Variants in HEATR9 observed in about 807,000 individuals in gnomAD.
HEATR9 encodes HEAT repeat containing 9.
Under a neutral mutation model 68.2 loss-of-function variants are expected in HEATR9, and 54 were observed. That is an observed-to-expected ratio of 0.79 (90% CI 0.64 to 0.99). The LOEUF (loss-of-function observed/expected upper bound fraction) is 0.99, where lower values mean the gene tolerates loss of function less well. Among genes scored for constraint, HEATR9 ranks in the 50% least tolerant of loss-of-function variants. HEATR9 has a pLI of 0.00. For missense variants in HEATR9, 662 were observed against 679.7 expected, an observed-to-expected ratio of 0.97 and a Z score of 0.29; for synonymous variants, 241 against 253.5, an observed-to-expected ratio of 0.95 and a Z score of 0.47.
chr17:35,855,116 A>G lies in HEATR9; in HGVS notation c.1660T>C (p.Trp554Arg). The G allele has an allele frequency of 6.2e-7, 1 of 1,614,188 alleles. No homozygotes were observed. Among genetic ancestry groups the G allele is most frequent in the Non-Finnish European group, 8.5e-7 (1 of 1,180,030 alleles). ...RKHRPQVIGPWQPRIKKQLRV... is the reference protein window; with the variant it reads ...RKHRPQVIGPRQPRIKKQLRV... The stretch of plus-strand genomic sequence containing the variant: ...AGCTGTTTCTTGATCCTTGGCTGCC[A>G]GGGCCCTATGACCTGTGGCCTATGT... Residue 554 changes from tryptophan to arginine, a missense_variant, in exon 15 of 15, where the codon TGG becomes CGG. Transcript: ENST00000604834.
At chr17:35,859,900 C>G (rs1022539395) in intron 8 of HEATR9, among the ~76,000 whole-genome samples, 1 of 152,206 alleles carries the variant, frequency 6.6e-6, no homozygotes, top group Non-Finnish European at 1.5e-5. Flanking sequence ...TTGCTTTCTA[C>G]TTCAGTGAGA....
intron 8 of HEATR9, among the ~76,000 whole-genome samples, chr17:35,860,720 A>AC (rs1195275553): frequency 1.3e-5 from 2 of 151,540 alleles, no homozygotes; most frequent in African/African-American, 4.8e-5. Context: ...CAATCTCCTG[A>AC]CCTCGTGATC....
In HEATR9 at chr17:35,867,428, CAAAAAAAA is replaced by C. The variant is rs11315915; in HGVS notation, c.89-663_89-656del. On this transcript the variant is annotated intron_variant, in intron 1 of 14. Transcript: ENST00000604834. ...CCAGCCTGGGTAACAGAGCAAGACT[CAAAAAAAA>C]AAAAAAAAAAAAAAAAAAAAGAGAT... Among the ~76,000 whole-genome samples the C allele has an allele frequency of 6.4e-3, 258 of 40,106 alleles. 1 individual carries two copies. Among genetic ancestry groups the C allele is most frequent in the African/African-American group, 0.027 (243 of 9,154 alleles). The allele number at this position is 40,106 out of a possible 152,430, so 26.3% of individuals were successfully genotyped here.
chr17:35,863,101 C>G lies in HEATR9; in HGVS notation c.650G>C (p.Arg217Pro), dbSNP rs758987742. 4.3e-6 allele frequency: 7 copies of G among 1,614,034 alleles called. No individual in the cohort carries two copies. In the African/African-American group the frequency reaches 6.7e-5, roughly 15 times the overall value. The stretch of plus-strand genomic sequence containing the variant: ...CTCCTTCAGCTGTTTGATGAGAGCC[C>G]GGATCACATGCTTATTCAGGCAACC... ...ILGCLNKHVI[R>P]ALIKQLKEKN... Residue 217 changes from arginine to proline, a missense_variant, in exon 8 of 15, where the codon CGG (arginine) becomes CCG (proline). By Grantham distance (103) the Arg-to-Pro change is moderately radical. Coordinates refer to ENST00000604834, the MANE Select transcript of HEATR9 (RefSeq NM_152781.4).
At position 35,865,381 on chromosome 17, in the gene HEATR9, A is replaced by C. The variant is rs1332992060; in HGVS notation, c.154T>G (p.Phe52Val). 1 of 1,611,974 alleles carries C rather than the reference A, an allele frequency of 6.2e-7. No individual in the cohort carries two copies. Among genetic ancestry groups the C allele is most frequent in the Non-Finnish European group, 8.5e-7 (1 of 1,179,602 alleles). ...CTCCAGCACTCTGGACTTGGGGGAA[A>C]CTCTTCCTTTGGCATCTGGGGGTTG... The part of the protein sequence containing the change: ...LSCYQMPKEE[F>V]PPSPECWRQH... The change falls in exon 3 of 15, where the codon TTT (phenylalanine) becomes GTT (valine). Residue 52 changes from phenylalanine to valine, a missense_variant. Phe to Val is a conservative substitution (Grantham distance 50). Coordinates refer to ENST00000604834, the MANE Select transcript of HEATR9 (RefSeq NM_152781.4).
At chr17:35,859,178 G>T in intron 8 of HEATR9, 108 bp from the exon 9 acceptor site, 1 of 1,008,556 alleles carries the variant, frequency 9.9e-7, no homozygotes. Flanking sequence ...TTGTGCATCA[G>T]ATTATTTCAA....
Position 35,863,680 on chromosome 17 carries a change from C to T in HEATR9, c.568-121G>A, listed in dbSNP as rs1350153643. ...AGGAAACTGAAGCCTAGAAAGTGACCTATCTATTCTCAAATACAGAATACA... is the reference window on the plus strand; with the variant it reads ...AGGAAACTGAAGCCTAGAAAGTGACTTATCTATTCTCAAATACAGAATACA... On this transcript the variant is annotated intron_variant, in intron 6 of 14. Transcript: ENST00000604834. 4 of 1,058,612 alleles carry T rather than the reference C, an allele frequency of 3.8e-6. No homozygotes were observed. The South Asian group carries it at 4.1e-5, about 11-fold the overall frequency. 65.6% of individuals were successfully genotyped at this position (1,058,612 alleles called of 1,614,324 possible). A position where few individuals can be genotyped will look rare whatever the true frequency, so the allele number is the denominator to read the frequency against.
chr17:35,863,414 G>C, intron 7 of HEATR9, 88 bp downstream of exon 7: 2 of 1,352,844 alleles, frequency 1.5e-6, no homozygotes, highest in Non-Finnish European at 1.1e-6. Context: ...GTTGGAGCAA[G>C]TGTATGCTCC....
Position 35,864,807 on chromosome 17 carries a change from G to T in HEATR9, c.404C>A (p.Ser135Tyr), listed in dbSNP as rs779270986. 6 of 1,614,060 alleles carry T rather than the reference G, an allele frequency of 3.7e-6. No individual in the cohort carries two copies. In the African/African-American group the frequency reaches 8.0e-5, roughly 22 times the overall value. The change falls in exon 4 of 15, where the codon TCC (serine) becomes TAC (tyrosine). Residue 135 changes from serine to tyrosine, a missense_variant. Transcript: ENST00000604834. Reference protein sequence around the residue: ...SKLTIKSEMRSRPLEPTQDPL... With the variant: ...SKLTIKSEMRYRPLEPTQDPL... ...GTCCTGGGTAGGCTCTAAGGGCCTG[G>T]ATCGCATCTCAGATTTTATAGTCAG...
chr17:35,855,680 TGGTGGTTTTCTGCATCTAG>T lies in HEATR9; in HGVS notation c.1330_1348del (p.Leu444ArgfsTer3). 6.2e-7 allele frequency: 1 copy of T among 1,614,076 alleles called. No homozygotes were observed. Among genetic ancestry groups the T allele is most frequent in the Non-Finnish European group, 8.5e-7 (1 of 1,179,980 alleles). ...CTTACTTACACTCTTCTTCACAGCCTGGTGGTTTTCTGCATCTAGTAAGTCCAGGAGCAAGTGGAACACT... is the reference window on the plus strand; with the variant it reads ...CTTACTTACACTCTTCTTCACAGCCTTAAGTCCAGGAGCAAGTGGAACACT... On this transcript the variant is annotated frameshift_variant, in exon 14 of 15. Coordinates refer to ENST00000604834, the MANE Select transcript of HEATR9 (RefSeq NM_152781.4). LOFTEE classifies it low-confidence loss of function (END_TRUNC).
Position 35,855,504 on chromosome 17 carries a change from C to G in HEATR9, c.1366-94G>C, listed in dbSNP as rs371112928. On this transcript the variant is annotated intron_variant, in intron 14 of 14. Transcript: ENST00000604834. The stretch of plus-strand genomic sequence containing the variant: ...CACCCAAAGTAGGGGGGAATTCTAG[C>G]CACAGGGCACTGTGGCCCCAAGGAA... 11 of 1,346,590 alleles carry G rather than the reference C, an allele frequency of 8.2e-6. No individual in the cohort carries two copies. In the African/African-American group the frequency reaches 1.6e-4, roughly 19 times the overall value. 83.4% of individuals were successfully genotyped at this position (1,346,590 alleles called of 1,614,324 possible).
chr17:35,855,371 AGGGATCAATTGAG>A lies in HEATR9; in HGVS notation c.1392_1404del (p.Ser465GlyfsTer6). 1.2e-6 allele frequency: 2 copies of A among 1,614,058 alleles called. No individual in the cohort carries two copies. Among genetic ancestry groups the A allele is most frequent in the African/African-American group, 1.3e-5 (1 of 75,020 alleles). ...TTGTTTTTCAGCTTGTTTTGGATCCAGGGATCAATTGAGGCACAAAGGATTAATGTTTCTTGTA... is the reference window on the plus strand; with the variant it reads ...TTGTTTTTCAGCTTGTTTTGGATCCAGCACAAAGGATTAATGTTTCTTGTA... On this transcript the variant is annotated frameshift_variant, in exon 15 of 15. Coordinates refer to ENST00000604834, the MANE Select transcript of HEATR9 (RefSeq NM_152781.4). LOFTEE classifies it low-confidence loss of function (END_TRUNC).
At chr17:35,861,244 A>G (rs903993472) in intron 8 of HEATR9, 26 of 1,550,840 alleles carry the variant, frequency 1.7e-5, no homozygotes, top group Non-Finnish European at 2.2e-5. Flanking sequence ...TCTGTTCGTT[A>G]TAAATTTAGC....
Position 35,864,291 on chromosome 17 carries a change from G to A in HEATR9, c.522C>T (p.Cys174=). Residue 174 remains cysteine (C), a synonymous_variant, in exon 6 of 15, where the codon TGC becomes TGT. Transcript: ENST00000604834. ...EQFYAAQALG[C]LRISDKFVME... is the part of the protein sequence containing the mutation. The stretch of plus-strand genomic sequence containing the variant: ...TGACAAACTTGTCACTGATGCGTAA[G>A]CATCCCAGAGCCTGCAGGAAGAGGG... The A allele has an allele frequency of 6.2e-7, 1 of 1,612,394 alleles. No homozygotes were observed. Among genetic ancestry groups the A allele is most frequent in the Non-Finnish European group, 8.5e-7 (1 of 1,178,360 alleles).
intron 1 of HEATR9, 93 bp downstream of exon 1, chr17:35,868,562 C>CT: frequency 1.3e-6 from 2 of 1,567,096 alleles, no homozygotes; most frequent in Non-Finnish European, 1.7e-6. Context: ...GTTTGCTGAA[C>CT]TCACCTAGAC....
In HEATR9 at chr17:35,863,173, CCT is replaced by C. The variant is rs769478672; in HGVS notation, c.626-50_626-49del. 59 of 1,609,676 alleles carry C rather than the reference CCT, an allele frequency of 3.7e-5. 1 individual carries two copies. The South Asian group carries it at 6.4e-4, about 17-fold the overall frequency. On this transcript the variant is annotated intron_variant, in intron 7 of 14. Coordinates refer to ENST00000604834, the MANE Select transcript of HEATR9 (RefSeq NM_152781.4). ...TCAGGGCAGAGCCTCTGGTACTGCC[CCT>C]CTCTGCAAGGACCCATTGAACTCCA...
chr17:35,863,244 G>T, intron 7 of HEATR9, 119 bp from the exon 8 acceptor site: 2 of 1,343,418 alleles, frequency 1.5e-6, no homozygotes, highest in Non-Finnish European at 2.1e-6. Context: ...GTACCACAGT[G>T]TTGCTCATCT....
At chr17:35,858,112 CT>C in intron 11 of HEATR9, 87 bp downstream of exon 11, 1 of 1,558,986 alleles carries the variant, frequency 6.4e-7, no homozygotes, top group African/African-American at 1.4e-5. Flanking sequence ...GAATGTGATA[CT>C]TCGGTGGAGG....
At chr17:35,858,166 T>G in intron 11 of HEATR9, 34 bp downstream of exon 11, 2 of 1,613,666 alleles carry the variant, frequency 1.2e-6, no homozygotes, top group Non-Finnish European at 1.7e-6. Flanking sequence ...AAGGTTTGGG[T>G]GTCTCTGGGC....
Sources: gnomAD v4.1 joint callset for allele counts (sites outside exome capture counted in the v4.1 genomes callset) on GRCh38, gnomAD v4.1.1 for gene constraint, MANE v1.5 for transcripts, NCBI Gene and HGNC (gene_info 2026-07-23, HGNC 2026-07-21) for gene names.